Variants in DIS3L2 observed in about 807,000 individuals in gnomAD.
DIS3L2 encodes DIS3 like 3'-5' exoribonuclease 2.
DIS3L2 carries 34 observed loss-of-function variants against 97.5 expected under a neutral mutation model. The observed-to-expected ratio is 0.35, with a 90% CI of 0.27 to 0.46. The LOEUF is 0.46. Ranked by LOEUF, DIS3L2 falls within the 20% of genes least tolerant of loss-of-function variation. The pLI is 1.00. For missense variants in DIS3L2, 1,038 were observed against 1,146.0 expected (o/e 0.91, Z 1.36); for synonymous variants, 435 against 445.2 (o/e 0.98, Z 0.29).
intron 9 of DIS3L2, among the ~76,000 whole-genome samples, chr2:232,205,220 A>C (rs1011471814): frequency 2.5e-5 from 2 of 80,884 alleles, no homozygotes; most frequent in African/African-American, 7.4e-5. Context: ...ACATATATAT[A>C]TATATATATA....
At chr2:232,163,665 C>G in intron 9 of DIS3L2, 33 bp downstream of exon 9, 1 of 1,598,794 alleles carries the variant, frequency 6.3e-7, no homozygotes. Flanking sequence ...GAACGTATAT[C>G]TCCCTTTCTG....
At chr2:232,163,754 T>C (rs1690725246) in intron 9 of DIS3L2, 122 bp downstream of exon 9, 1 of 1,182,038 alleles carries the variant, frequency 8.5e-7, no homozygotes. Context: ...TGGGAATAGG[T>C]GCTTCTGTAC....
intron 16 of DIS3L2, among the ~76,000 whole-genome samples, chr2:232,333,123 G>GACC: frequency 7.1e-6 from 1 of 140,550 alleles, no homozygotes; most frequent in South Asian, 2.3e-4. Context: ...TGTCCTCCTC[G>GACC]ACCACCACCA....
rs554985357 is a variant in DIS3L2 at position 232,155,678 on chromosome 2, A to T, written c.951-7781A>T. Among the ~76,000 whole-genome samples, 11 of 152,184 alleles carry T rather than the reference A, an allele frequency of 7.2e-5. No homozygotes were observed. In the South Asian group the frequency reaches 2.3e-3, roughly 32 times the overall value. ...TTCCTTCAGTTATGCCGAAGGAAGGATCTAGAGATGAGGAATAGAAAATGT... is the reference window on the plus strand; with the variant it reads ...TTCCTTCAGTTATGCCGAAGGAAGGTTCTAGAGATGAGGAATAGAAAATGT... On this transcript the variant is annotated intron_variant, in intron 8 of 20. Coordinates refer to ENST00000325385, the MANE Select transcript of DIS3L2 (RefSeq NM_152383.5).
rs748787779 is a variant in DIS3L2, at chr2:232,329,882, G to A, written c.1809G>A (p.Glu603=). The part of the protein sequence containing the change: ...VAHKIHRAFP[E]QALLRRHPPP... ...ACAAGATCCACCGCGCCTTCCCCGA[G>A]CAGGCCCTGCTGCGCCGGCACCCCC... Residue 603 remains glutamate, a synonymous_variant, in exon 15 of 21, where the codon GAG becomes GAA. Transcript: ENST00000325385. 21 of 1,501,548 alleles carry A rather than the reference G, an allele frequency of 1.4e-5. No individual in the cohort carries two copies. The highest frequency in any genetic ancestry group is 1.9e-5 in the Non-Finnish European group (21 of 1,109,192). The allele number at this position is 1,501,548 out of a possible 1,614,324, so 93.0% of individuals were successfully genotyped here. A position where few individuals can be genotyped will look rare whatever the true frequency, so the allele number is the denominator to read the frequency against.
At chr2:232,038,577 C>T (rs1455712666) in intron 5 of DIS3L2, among the ~76,000 whole-genome samples, 1 of 152,206 alleles carries the variant, frequency 6.6e-6, no homozygotes, top group Non-Finnish European at 1.5e-5. Context: ...CCAAAATAAG[C>T]AAACATATGA....
intron 10 of DIS3L2, among the ~76,000 whole-genome samples, chr2:232,232,840 A>G (rs2106246067): frequency 6.6e-6 from 1 of 152,274 alleles, no homozygotes; most frequent in Middle Eastern, 3.4e-3. Flanking sequence ...CAATCCAGAG[A>G]GAAGGGGTAG....
chr2:232,091,018 C>T (rs947999151), intron 6 of DIS3L2, among the ~76,000 whole-genome samples: 1 of 152,148 alleles, frequency 6.6e-6, no homozygotes, highest in Non-Finnish European at 1.5e-5. Flanking sequence ...GCATTATCCC[C>T]AGCCCCTGAG....
chr2:232,125,016 T>A (rs1199843152), intron 6 of DIS3L2, among the ~76,000 whole-genome samples: 1 of 152,248 alleles, frequency 6.6e-6, no homozygotes, highest in Non-Finnish European at 1.5e-5. Flanking sequence ...GTCTGGTCCC[T>A]ACACCTCATT....
At chr2:232,223,177 A>G (rs1202623311) in intron 10 of DIS3L2, among the ~76,000 whole-genome samples, 1 of 152,208 alleles carries the variant, frequency 6.6e-6, no homozygotes, top group Non-Finnish European at 1.5e-5. Context: ...CCAGTCAGGC[A>G]TCCTCAAGTA....
At chr2:232,093,019 G>A (rs1421377540) in intron 6 of DIS3L2, among the ~76,000 whole-genome samples, 1 of 152,152 alleles carries the variant, frequency 6.6e-6, no homozygotes, top group Non-Finnish European at 1.5e-5. Context: ...GATATTAGCT[G>A]TGGGTCTGTC....
chr2:232,014,974 C>G lies in DIS3L2; in HGVS notation c.47C>G (p.Pro16Arg), dbSNP rs769111524. 2 of 1,613,762 alleles carry G rather than the reference C, an allele frequency of 1.2e-6. No homozygotes were observed. Among genetic ancestry groups the G allele is most frequent in the South Asian group, 1.1e-5 (1 of 91,032 alleles). The part of the protein sequence containing the change: ...YRMNLRPLGT[P>R]RGVSAVAGPH... The stretch of plus-strand genomic sequence containing the variant: ...ATGAACCTCCGGCCCCTGGGGACCC[C>G]CAGAGGTAGTAAAAGGAAAATGGAG... Residue 16 changes from proline (P) to arginine (R), a missense_variant, in exon 2 of 21, where the codon CCC (proline) becomes CGC (arginine). Physicochemically the swap from Pro to Arg is moderately radical, Grantham distance 103. Around this residue, in one of 3 missense-constraint regions of DIS3L2, gnomAD observed 813 missense variants for 880.1 expected, o/e 0.92. Transcript: ENST00000325385.
In DIS3L2 at chr2:232,106,212, T is replaced by C. The variant is rs149990496; in HGVS notation, c.601+18491T>C. On this transcript the variant is annotated intron_variant, in intron 6 of 20. Coordinates refer to ENST00000325385, the MANE Select transcript of DIS3L2 (RefSeq NM_152383.5). ...TTACATTACATTGCCATAGAAATAA[T>C]AAAATTCTGGCCCTGGTCGGGTCCT... 9.2e-5 allele frequency among the ~76,000 whole-genome samples: 14 copies of C among 152,288 alleles called. No homozygotes were observed. In the East Asian group the frequency reaches 2.3e-3, roughly 25 times the overall value.
chr2:232,197,595 G>A (rs1159638232), intron 9 of DIS3L2, among the ~76,000 whole-genome samples: 1 of 152,156 alleles, frequency 6.6e-6, no homozygotes, highest in Non-Finnish European at 1.5e-5. Context: ...CAACCACAGA[G>A]AAACTTTTTC....
Position 232,263,430 on chromosome 2 carries a change from G to A in DIS3L2, c.1649G>A (p.Arg550His), listed in dbSNP as rs566287761. ...CAGCGCTTTGTGGACGGCGCACTTC[G>A]TTTGGATCAGGTCAGTACGTGTTTT... ...RQQRFVDGAL[R>H]LDQLKLAFTL... is the part of the protein sequence containing the mutation. The change falls in exon 13 of 21, where the codon CGT becomes CAT. Residue 550 changes from arginine (R) to histidine (H), a missense_variant. Coordinates refer to ENST00000325385, the MANE Select transcript of DIS3L2 (RefSeq NM_152383.5). The A allele has an allele frequency of 2.5e-5, 40 of 1,614,054 alleles. 1 individual carries two copies. The highest frequency in any genetic ancestry group is 3.2e-5 in the Non-Finnish European group (38 of 1,180,042).
intron 2 of DIS3L2, among the ~76,000 whole-genome samples, 171 bp from the exon 3 acceptor site, chr2:232,015,343 C>T (rs1280620769): frequency 6.6e-6 from 1 of 152,032 alleles, no homozygotes. Context: ...ATATTTTATT[C>T]ATGTTTTCTT....
intron 5 of DIS3L2, among the ~76,000 whole-genome samples, chr2:232,073,410 TCTGTG>T (rs1437644053): frequency 1.3e-5 from 2 of 152,178 alleles, no homozygotes; most frequent in Non-Finnish European, 2.9e-5. Flanking sequence ...GCGGAAAATG[TCTGTG>T]GACATGGGTA....
chr2:232,050,977 A>G (rs1695384307), intron 5 of DIS3L2, among the ~76,000 whole-genome samples: 1 of 152,252 alleles, frequency 6.6e-6, no homozygotes, highest in African/African-American at 2.4e-5. Context: ...GCAGTTGGAA[A>G]GGAGAGTTTG....
intron 9 of DIS3L2, among the ~76,000 whole-genome samples, chr2:232,209,018 A>T (rs1356205247): frequency 6.6e-6 from 1 of 152,166 alleles, no homozygotes; most frequent in Non-Finnish European, 1.5e-5. Context: ...AACATTTGAC[A>T]TTTCTGAAAT....
Sources: gnomAD v4.1 joint callset for allele counts (sites outside exome capture counted in the v4.1 genomes callset) on GRCh38, gnomAD v4.1.1 for gene constraint, gnomAD v4.1.1 regional missense constraint, MANE v1.5 for transcripts, NCBI Gene and HGNC (gene_info 2026-07-23, HGNC 2026-07-21) for gene names.